SDK1: variants seen among roughly 807,000 people sequenced by gnomAD.
The protein encoded by SDK1 is protein sidekick-1.
SDK1 carries 157 observed loss-of-function variants against 245.5 expected under a neutral mutation model. The observed-to-expected ratio is 0.64, with a 90% CI of 0.56 to 0.73. The LOEUF is 0.73. SDK1 is among the 30% of genes least tolerant of loss of function. The probability of loss-of-function intolerance (pLI) is 0.00; values close to 1 mark genes in which losing one functional copy is unlikely to be tolerated. For synonymous variants in SDK1, 1,647 were observed against 1,278.5 expected (o/e 1.29, Z -6.15); for missense variants, 3,583 against 3,002.3 (o/e 1.19, Z -4.52).
At chr7:3,984,400 A>T (rs1450893424) in intron 13 of SDK1, among the ~76,000 whole-genome samples, 1 of 152,204 alleles carries the variant, frequency 6.6e-6, no homozygotes, top group Non-Finnish European at 1.5e-5. Flanking sequence ...GCGTGATTTG[A>T]AATCAAGTGC....
chr7:3,812,002 G>C (rs549709208), intron 4 of SDK1, among the ~76,000 whole-genome samples: 26 of 152,200 alleles, frequency 1.7e-4, no homozygotes, highest in African/African-American at 6.0e-4. Flanking sequence ...AAAATGAACA[G>C]ACTGGCTTCA....
At position 4,002,713 on chromosome 7, in the gene SDK1, C is replaced by A. The variant is rs1235083336; in HGVS notation, c.2132-8253C>A. On this transcript the variant is annotated intron_variant, in intron 14 of 44. Coordinates refer to ENST00000404826, the MANE Select transcript of SDK1 (RefSeq NM_152744.4). ...ACACACAAAATATACATAAAATTTA[C>A]CATTTTTTACCCCTTTAAGGTGGAA... is the stretch of plus-strand genomic sequence containing the variant. 2.0e-5 allele frequency among the ~76,000 whole-genome samples: 3 copies of A among 152,048 alleles called. No homozygotes were observed. In the South Asian group the frequency reaches 6.2e-4, roughly 32 times the overall value.
intron 35 of SDK1, among the ~76,000 whole-genome samples, chr7:4,179,748 C>G (rs769287113): frequency 7.2e-5 from 11 of 151,790 alleles, no homozygotes; most frequent in Non-Finnish European, 1.5e-4. Flanking sequence ...GAGAGGGGTG[C>G]CAGGGTGCCG....
chr7:3,802,441 G>A (rs1457195068), intron 4 of SDK1, among the ~76,000 whole-genome samples: 3 of 152,034 alleles, frequency 2.0e-5, no homozygotes, highest in Non-Finnish European at 4.4e-5. Context: ...AGGCTGAGGT[G>A]GGAGGATCAC....
At chr7:3,841,875 C>T (rs747078787) in intron 5 of SDK1, among the ~76,000 whole-genome samples, 1 of 152,120 alleles carries the variant, frequency 6.6e-6, no homozygotes, top group Non-Finnish European at 1.5e-5. Flanking sequence ...ATCAGATTCT[C>T]CAAGTCATAA....
chr7:3,338,437 C>T (rs1780260048), intron 1 of SDK1: 1 of 522,688 alleles, frequency 1.9e-6, no homozygotes, highest in Admixed American at 2.2e-5. Context: ...AGATAGCTTC[C>T]TGAAACATGT....
chr7:3,790,162 G>A lies in SDK1; in HGVS notation c.714-31288G>A, dbSNP rs140117568. Among the ~76,000 whole-genome samples, 58 of 152,254 alleles carry A rather than the reference G, an allele frequency of 3.8e-4. No individual in the cohort carries two copies. The East Asian group carries it at 7.5e-3, about 20-fold the overall frequency. Reference sequence around the variant, plus strand: ...TGGGGCCACTATCCTATTTTCTGCCGTCCTTCCTCAGACACCAGCAACTGA... The same window carrying A: ...TGGGGCCACTATCCTATTTTCTGCCATCCTTCCTCAGACACCAGCAACTGA... On this transcript the variant is annotated intron_variant, in intron 4 of 44. Coordinates refer to ENST00000404826, the MANE Select transcript of SDK1 (RefSeq NM_152744.4).
At chr7:3,422,266 A>G (rs1345005184) in intron 1 of SDK1, among the ~76,000 whole-genome samples, 3 of 152,136 alleles carry the variant, frequency 2.0e-5, no homozygotes, top group Non-Finnish European at 4.4e-5. Context: ...AAAACCTGCT[A>G]TTATTCTAAC....
intron 5 of SDK1, among the ~76,000 whole-genome samples, chr7:3,918,309 A>G (rs1303382457): frequency 6.6e-6 from 1 of 152,200 alleles, no homozygotes; most frequent in Non-Finnish European, 1.5e-5. Flanking sequence ...GCAAAGCCTC[A>G]TGTGTATTTA....
intron 14 of SDK1, among the ~76,000 whole-genome samples, chr7:3,999,723 A>G (rs1784933490): frequency 6.6e-6 from 1 of 152,232 alleles, no homozygotes; most frequent in Non-Finnish European, 1.5e-5. Context: ...TGCTTTATAA[A>G]AAACCATTTT....
chr7:3,692,909 G>T (rs1019213885), intron 4 of SDK1, among the ~76,000 whole-genome samples: 1 of 151,972 alleles, frequency 6.6e-6, no homozygotes, highest in African/African-American at 2.4e-5. Flanking sequence ...TAATATGATA[G>T]ATAAAGGTAG....
At chr7:3,734,483 G>A (rs1286654794) in intron 4 of SDK1, among the ~76,000 whole-genome samples, 2 of 152,194 alleles carry the variant, frequency 1.3e-5, no homozygotes, top group African/African-American at 4.8e-5. Flanking sequence ...CTTGAAAAGG[G>A]ATGTACTTTA....
intron 5 of SDK1, among the ~76,000 whole-genome samples, chr7:3,844,246 C>T (rs2115092687): frequency 1.3e-5 from 2 of 152,324 alleles, no homozygotes; most frequent in Non-Finnish European, 1.5e-5. Flanking sequence ...GCTGGGATTA[C>T]AGGCCATGAG....
chr7:3,397,484 C>A (rs1051680650), intron 1 of SDK1, among the ~76,000 whole-genome samples: 1 of 151,164 alleles, frequency 6.6e-6, no homozygotes, highest in Non-Finnish European at 1.5e-5. Flanking sequence ...TTTCTTTCCC[C>A]CCCCCAGCGC....
intron 5 of SDK1, among the ~76,000 whole-genome samples, chr7:3,906,618 T>C (rs1050583570): frequency 1.5e-3 from 5 of 3,408 alleles, no homozygotes; most frequent in East Asian, 9.6e-3. Context: ...TTTCAGTGTC[T>C]TTTTTTTTTT....
At chr7:3,610,372 A>T (rs1016745081) in intron 1 of SDK1, among the ~76,000 whole-genome samples, 3 of 152,230 alleles carry the variant, frequency 2.0e-5, no homozygotes, top group Admixed American at 2.0e-4. Context: ...ATATTGTGCC[A>T]TATTCAAGAA....
chr7:3,553,552 G>A (rs1208651384), intron 1 of SDK1, among the ~76,000 whole-genome samples: 1 of 152,086 alleles, frequency 6.6e-6, no homozygotes, highest in Non-Finnish European at 1.5e-5. Context: ...CTTGACCTCT[G>A]AACTAGCAAC....
chr7:3,615,903 G>A (rs1341221420), intron 1 of SDK1, among the ~76,000 whole-genome samples: 1 of 142,852 alleles, frequency 7.0e-6, no homozygotes, highest in Non-Finnish European at 1.6e-5. Flanking sequence ...CTGAGACAGG[G>A]TCTTGGTCTG....
At chr7:3,449,133 T>G (rs1052066894) in intron 1 of SDK1, among the ~76,000 whole-genome samples, 2 of 152,234 alleles carry the variant, frequency 1.3e-5, no homozygotes, top group African/African-American at 2.4e-5. Flanking sequence ...GAGTCCTTTC[T>G]TTACAACATA....
Sources: allele counts gnomAD v4.1 joint callset (sites outside exome capture counted in the v4.1 genomes callset), GRCh38; gene constraint gnomAD v4.1.1; transcripts MANE v1.5; gene names NCBI Gene and HGNC (gene_info 2026-07-23, HGNC 2026-07-21).